JAM2: variants seen among roughly 807,000 people sequenced by gnomAD.
JAM2 encodes junctional adhesion molecule B.
Under a neutral mutation model 42.0 loss-of-function variants are expected in JAM2, and 17 were observed. That is an observed-to-expected ratio of 0.40 (90% confidence interval 0.28 to 0.61). JAM2 has a LOEUF of 0.61. Ranked by LOEUF, JAM2 falls within the 20% of genes least tolerant of loss-of-function variation. The probability of loss-of-function intolerance (pLI) is 0.37; values close to 1 mark genes in which losing one functional copy is unlikely to be tolerated. For missense variants in JAM2, 319 were observed against 358.3 expected, an observed-to-expected ratio of 0.89 and a Z score of 0.89; for synonymous variants, 118 against 128.6, an observed-to-expected ratio of 0.92 and a Z score of 0.56.
chr21:25,703,597 C>A (rs2034211542), intron 6 of JAM2, among the ~76,000 whole-genome samples: 1 of 151,824 alleles, frequency 6.6e-6, no homozygotes, highest in African/African-American at 2.4e-5. Flanking sequence ...GTTAACTGTC[C>A]TAAAGAAATT....
chr21:25,708,657 C>G (rs1173103125), intron 7 of JAM2, among the ~76,000 whole-genome samples: 1 of 152,128 alleles, frequency 6.6e-6, no homozygotes, highest in Non-Finnish European at 1.5e-5. Flanking sequence ...TGAATTGAAT[C>G]CAGCTGTGGC....
At chr21:25,639,941 C>A in intron 1 of JAM2, 53 bp downstream of exon 1, 2 of 1,280,810 alleles carry the variant, frequency 1.6e-6, no homozygotes, top group Non-Finnish European at 2.2e-6. Context: ...CTGCCCCCAC[C>A]CTCCAGCCCC....
At chr21:25,655,909 T>C (rs1199208070) in intron 1 of JAM2, among the ~76,000 whole-genome samples, 1 of 135,450 alleles carries the variant, frequency 7.4e-6, no homozygotes, top group Admixed American at 7.2e-5. Flanking sequence ...TATTTCCCAC[T>C]AATAGTTTTT....
At chr21:25,680,570 G>A (rs1320773965) in intron 1 of JAM2, among the ~76,000 whole-genome samples, 2 of 152,184 alleles carry the variant, frequency 1.3e-5, no homozygotes, top group East Asian at 3.8e-4. Flanking sequence ...GATCAGTTTT[G>A]CCTATGAGTT....
chr21:25,714,112 C>T (rs1406435911), intron 9 of JAM2: 1 of 1,211,226 alleles, frequency 8.3e-7, no homozygotes, highest in Non-Finnish European at 1.1e-6. Flanking sequence ...TCTGCCTCTG[C>T]CTTCCAGTCC....
At chr21:25,684,840 T>G (rs897689969) in intron 2 of JAM2, among the ~76,000 whole-genome samples, 39 of 152,172 alleles carry the variant, frequency 2.6e-4, no homozygotes, top group Admixed American at 2.4e-3. Flanking sequence ...TCAAGCAGTC[T>G]GCCCACCTTG....
intron 1 of JAM2, among the ~76,000 whole-genome samples, chr21:25,675,528 AAG>A (rs1209240632): frequency 2.7e-5 from 4 of 145,900 alleles, no homozygotes; most frequent in Non-Finnish European, 3.0e-5. Flanking sequence ...GAGAGAGAGA[AAG>A]AGAGAGAGAG....
At chr21:25,709,892 C>T (rs2034347444) in intron 8 of JAM2, 1 of 153,798 alleles carries the variant, frequency 6.5e-6, no homozygotes, top group Non-Finnish European at 1.4e-5. Flanking sequence ...GGGGGCGGTA[C>T]TAAACCATTC....
At chr21:25,693,658 A>G in intron 3 of JAM2, 98 bp from the exon 4 acceptor site, 2 of 969,138 alleles carry the variant, frequency 2.1e-6, no homozygotes, top group Non-Finnish European at 3.1e-6. Context: ...TAAAAGGGAA[A>G]TAAATGCTTT....
intron 1 of JAM2, among the ~76,000 whole-genome samples, chr21:25,658,230 T>C (rs1331244411): frequency 1.3e-5 from 2 of 152,096 alleles, no homozygotes; most frequent in Non-Finnish European, 2.9e-5. Context: ...TGATTAAATA[T>C]AGGGGACATC....
At chr21:25,657,680 T>C (rs1297353125) in intron 1 of JAM2, among the ~76,000 whole-genome samples, 1 of 152,226 alleles carries the variant, frequency 6.6e-6, no homozygotes, top group East Asian at 1.9e-4. Context: ...AGCTACCTTA[T>C]TGTATGAGTC....
rs140613035 is a variant in JAM2, at chr21:25,703,682, T to C, written c.697+1413T>C. Among the ~76,000 whole-genome samples the C allele has an allele frequency of 3.8e-3, 582 of 151,644 alleles. 4 individuals are homozygous for C. The highest frequency in any genetic ancestry group is 0.013 in the African/African-American group (550 of 41,348). On this transcript the variant is annotated intron_variant, in intron 6 of 9. Coordinates refer to ENST00000480456, the MANE Select transcript of JAM2 (RefSeq NM_021219.4). ...GCCTCACTATAAAACTCCAGCAGAC[T>C]CCACCCACACTGGGCCTTTCAGCAG... is the stretch of plus-strand genomic sequence containing the variant.
chr21:25,696,215 G>C (rs967273924), intron 4 of JAM2, among the ~76,000 whole-genome samples: 4 of 152,172 alleles, frequency 2.6e-5, no homozygotes, highest in Admixed American at 6.5e-5. Flanking sequence ...GCGAAACCCC[G>C]TCTCCACCAA....
intron 1 of JAM2, among the ~76,000 whole-genome samples, chr21:25,683,221 G>C (rs1334572107): frequency 6.6e-6 from 1 of 152,072 alleles, no homozygotes; most frequent in Non-Finnish European, 1.5e-5. Flanking sequence ...TAGTTTAAGG[G>C]AGTGATAATA....
At chr21:25,670,026 A>T (rs2033319875) in intron 1 of JAM2, among the ~76,000 whole-genome samples, 1 of 152,180 alleles carries the variant, frequency 6.6e-6, no homozygotes, top group Admixed American at 6.5e-5. Flanking sequence ...TAATTTCAAA[A>T]CTTTTGGTAG....
At chr21:25,704,586 C>A (rs2034233671) in intron 6 of JAM2, among the ~76,000 whole-genome samples, 1 of 152,136 alleles carries the variant, frequency 6.6e-6, no homozygotes, top group Non-Finnish European at 1.5e-5. Context: ...GTTATTTAAT[C>A]ATAGGCTAAT....
chr21:25,684,440 A>C (rs2033704905), intron 2 of JAM2, among the ~76,000 whole-genome samples: 1 of 152,228 alleles, frequency 6.6e-6, no homozygotes, highest in Admixed American at 6.5e-5. Flanking sequence ...GGAGATTGTT[A>C]TATGCACAAC....
chr21:25,664,742 C>G (rs545112907), intron 1 of JAM2, among the ~76,000 whole-genome samples: 1 of 152,182 alleles, frequency 6.6e-6, no homozygotes, highest in Non-Finnish European at 1.5e-5. Flanking sequence ...GTGTTTCCTG[C>G]TCTAAATTAT....
At chr21:25,705,490 A>G (rs2034253055) in intron 6 of JAM2, among the ~76,000 whole-genome samples, 1 of 152,148 alleles carries the variant, frequency 6.6e-6, no homozygotes, top group Non-Finnish European at 1.5e-5. Flanking sequence ...CTCCCACCTC[A>G]GCCTCCTGAG....
Sources: gnomAD v4.1 joint callset for allele counts (sites outside exome capture counted in the v4.1 genomes callset) on GRCh38, gnomAD v4.1.1 for gene constraint, MANE v1.5 for transcripts, NCBI Gene and HGNC (gene_info 2026-07-23, HGNC 2026-07-21) for gene names.